The following RTN4 variants were observed in gnomAD, a reference collection of about 807,000 sequenced individuals.
The protein encoded by RTN4 is reticulon 4.
RTN4 carries 32 observed loss-of-function variants against 90.4 expected under a neutral mutation model. That is an observed-to-expected ratio of 0.35 (90% CI 0.27 to 0.48). The LOEUF is 0.48. RTN4 is among the 20% of genes least tolerant of loss of function. The pLI is 0.99. For synonymous variants in RTN4, 629 were observed against 552.5 expected (o/e 1.14, Z -1.94); for missense variants, 1,706 against 1,430.2 (o/e 1.19, Z -3.11).
At chr2:54,995,685 G>A (rs1156399228) in intron 3 of RTN4, among the ~76,000 whole-genome samples, 1 of 152,052 alleles carries the variant, frequency 6.6e-6, no homozygotes, top group Non-Finnish European at 1.5e-5. Context: ...ACCCTGGACA[G>A]GACACCATTC....
intron 5 of RTN4, among the ~76,000 whole-genome samples, chr2:54,977,406 G>GTTTTTTT (rs34777052): frequency 6.8e-6 from 1 of 146,112 alleles, no homozygotes; most frequent in Non-Finnish European, 1.5e-5. Flanking sequence ...AGCTCAGGCC[G>GTTTTTTT]TTTTTTTTTT....
At chr2:55,014,084 T>G (rs565017261) in intron 3 of RTN4, among the ~76,000 whole-genome samples, 15 of 152,224 alleles carry the variant, frequency 9.9e-5, no homozygotes, top group Non-Finnish European at 1.6e-4. Flanking sequence ...GTTTCAATAC[T>G]GAAAGGAGTT....
At chr2:55,069,363 G>A (rs1000480661) in intron 2 of RTN4, among the ~76,000 whole-genome samples, 1 of 152,136 alleles carries the variant, frequency 6.6e-6, no homozygotes, top group African/African-American at 2.4e-5. Context: ...CTGGTCCTCT[G>A]TAACCGCCCC....
chr2:55,054,253 G>A (rs894060503), upstream of RTN4, among the ~76,000 whole-genome samples: 3 of 152,174 alleles, frequency 2.0e-5, no homozygotes, highest in Non-Finnish European at 4.4e-5. Flanking sequence ...GACTGCTCTT[G>A]AAACAGGTGT....
chr2:55,003,564 G>A (rs1679994200), intron 3 of RTN4, among the ~76,000 whole-genome samples: 1 of 152,136 alleles, frequency 6.6e-6, no homozygotes, highest in African/African-American at 2.4e-5. Context: ...CTCCAAGGAT[G>A]CAAAGAAAAG....
At chr2:55,084,013 G>T (rs191995414) in intron 1 of RTN4, among the ~76,000 whole-genome samples, 1 of 152,172 alleles carries the variant, frequency 6.6e-6, no homozygotes, top group Admixed American at 6.5e-5. Flanking sequence ...TTCTGGAAGG[G>T]GGGTGGTCAC....
upstream of RTN4, among the ~76,000 whole-genome samples, chr2:55,113,581 G>A (rs1429386738): frequency 1.3e-5 from 2 of 152,136 alleles, no homozygotes; most frequent in Non-Finnish European, 2.9e-5. Context: ...ACAATATTAT[G>A]GATTTCCGTC....
the RTN4 span, among the ~76,000 whole-genome samples, chr2:55,129,399 C>G: frequency 3.6e-4 from 54 of 151,910 alleles, no homozygotes; most frequent in African/African-American, 1.1e-3. Flanking sequence ...CATAGAGAGA[C>G]TGTGTCTCTC....
intron 6 of RTN4, 103 bp from the exon 7 acceptor site, chr2:54,973,970 G>T: frequency 1.0e-6 from 1 of 963,744 alleles, no homozygotes; most frequent in Non-Finnish European, 1.6e-6. Context: ...ACCAAGCAGT[G>T]TTCCTAATGA....
At chr2:55,012,567 G>A (rs1680722062) in intron 3 of RTN4, among the ~76,000 whole-genome samples, 1 of 152,112 alleles carries the variant, frequency 6.6e-6, no homozygotes, top group Admixed American at 6.5e-5. Flanking sequence ...AAAGCCAGAT[G>A]GGCTATGTTT....
chr2:55,024,673 A>T (rs1681686331), intron 3 of RTN4, among the ~76,000 whole-genome samples: 1 of 152,154 alleles, frequency 6.6e-6, no homozygotes, highest in African/African-American at 2.4e-5. Context: ...TATTTAAAAC[A>T]TACTATAGAA....
chr2:55,124,433 G>T, the RTN4 span, among the ~76,000 whole-genome samples: 5 of 152,192 alleles, frequency 3.3e-5, no homozygotes, highest in Admixed American at 1.3e-4. Context: ...TTCAAACCAA[G>T]AGCCAAATCA....
At chr2:55,132,552 C>T in the RTN4 span, among the ~76,000 whole-genome samples, 1 of 145,860 alleles carries the variant, frequency 6.9e-6, no homozygotes, top group Non-Finnish European at 1.5e-5. Flanking sequence ...TGGTTCATGC[C>T]TATAATCCTA....
chr2:55,020,528 G>C (rs576768470), intron 3 of RTN4, among the ~76,000 whole-genome samples: 6 of 151,980 alleles, frequency 3.9e-5, no homozygotes, highest in Non-Finnish European at 5.9e-5. Context: ...TAAGAATATA[G>C]TTTGTCACAA....
At chr2:55,080,841 C>A (rs538089265) in intron 1 of RTN4, among the ~76,000 whole-genome samples, 1 of 152,278 alleles carries the variant, frequency 6.6e-6, no homozygotes, top group African/African-American at 2.4e-5. Context: ...GACAGGATCT[C>A]TTTACTCAAG....
At chr2:55,134,247 C>A in the RTN4 span, among the ~76,000 whole-genome samples, 1 of 152,128 alleles carries the variant, frequency 6.6e-6, no homozygotes. Flanking sequence ...GCCTCTTTAC[C>A]GCATCCTGTT....
intron 1 of RTN4, among the ~76,000 whole-genome samples, chr2:55,103,107 C>CA (rs1421409687): frequency 1.4e-4 from 14 of 97,316 alleles, no homozygotes; most frequent in East Asian, 4.6e-4. Context: ...GGCAAAACTC[C>CA]GGAAAAAAAA....
chr2:55,027,798 G>A (rs1682018735), intron 2 of RTN4, among the ~76,000 whole-genome samples: 1 of 152,164 alleles, frequency 6.6e-6, no homozygotes, highest in Non-Finnish European at 1.5e-5. Flanking sequence ...GAATATCTGT[G>A]AAAAGAGTTT....
chr2:54,983,078 T>C (rs1021840067), intron 4 of RTN4, among the ~76,000 whole-genome samples: 4 of 151,774 alleles, frequency 2.6e-5, no homozygotes, highest in African/African-American at 7.3e-5. Context: ...TTTTTTTTTT[T>C]CTTAAAGTTG....
Sources: allele counts gnomAD v4.1 joint callset (sites outside exome capture counted in the v4.1 genomes callset), GRCh38; gene constraint gnomAD v4.1.1; transcripts MANE v1.5; gene names NCBI Gene and HGNC (gene_info 2026-07-23, HGNC 2026-07-21).